The following SEMA6D variants were observed in gnomAD, a reference collection of about 807,000 sequenced individuals.
SEMA6D encodes semaphorin 6D.
SEMA6D carries 35 observed loss-of-function variants against 106.6 expected under a neutral mutation model. The observed-to-expected ratio is 0.33, with a 90% confidence interval of 0.25 to 0.44. SEMA6D has a LOEUF of 0.44. SEMA6D is among the 20% of genes least tolerant of loss of function. SEMA6D has a pLI of 1.00. For missense variants in SEMA6D, 1,185 were observed against 1,345.9 expected, an observed-to-expected ratio of 0.88 and a Z score of 1.87; for synonymous variants, 499 against 487.7, an observed-to-expected ratio of 1.02 and a Z score of -0.31.
intron 1 of SEMA6D, among the ~76,000 whole-genome samples, chr15:47,403,974 A>G (rs1301905728): frequency 6.6e-6 from 1 of 152,222 alleles, no homozygotes; most frequent in Non-Finnish European, 1.5e-5. Flanking sequence ...TTATGGTCCC[A>G]GCTAGAATTA....
At chr15:47,760,477 G>A (rs1567091833) in intron 3 of SEMA6D, 62 bp downstream of exon 3, 2 of 1,281,960 alleles carry the variant, frequency 1.6e-6, no homozygotes, top group East Asian at 2.3e-5. Context: ...GCTTGCATTA[G>A]TGTGTCTAGT....
chr15:47,762,035 A>G (rs757505240), intron 7 of SEMA6D, among the ~76,000 whole-genome samples, 165 bp from the exon 8 acceptor site: 1 of 152,204 alleles, frequency 6.6e-6, no homozygotes, highest in Non-Finnish European at 1.5e-5. Context: ...AGATAATATC[A>G]TGGCTGACCT....
intron 1 of SEMA6D, among the ~76,000 whole-genome samples, chr15:47,354,414 C>A (rs2038475135): frequency 6.9e-6 from 1 of 144,980 alleles, no homozygotes. Context: ...AATGAGAGAG[C>A]ATATACATAT....
chr15:47,542,173 A>G (rs775416593), intron 3 of SEMA6D, among the ~76,000 whole-genome samples: 15 of 152,140 alleles, frequency 9.9e-5, no homozygotes, highest in Non-Finnish European at 1.9e-4. Flanking sequence ...ATTAGATCCT[A>G]TTTTCCTCTG....
chr15:47,615,745 T>A (rs1306192342), intron 4 of SEMA6D, among the ~76,000 whole-genome samples: 2 of 152,260 alleles, frequency 1.3e-5, no homozygotes, highest in Admixed American at 6.5e-5. Flanking sequence ...AAGGAAATTC[T>A]ATTTTATTTG....
At chr15:47,602,901 A>G (rs1425631676) in intron 4 of SEMA6D, among the ~76,000 whole-genome samples, 1 of 152,158 alleles carries the variant, frequency 6.6e-6, no homozygotes, top group Non-Finnish European at 1.5e-5. Flanking sequence ...TAAGAATTAC[A>G]GAGGTGTAAT....
intron 1 of SEMA6D, among the ~76,000 whole-genome samples, chr15:47,750,263 A>T (rs2081357569): frequency 1.3e-5 from 2 of 152,178 alleles, no homozygotes; most frequent in Non-Finnish European, 2.9e-5. Flanking sequence ...TGGGAATTAC[A>T]CCAGGATGTT....
chr15:47,441,759 A>G (rs16959504), intron 2 of SEMA6D, among the ~76,000 whole-genome samples: 41,849 of 151,868 alleles, frequency 0.28, 5,980 homozygotes, highest in East Asian at 0.4. Flanking sequence ...ATCTGTTAAT[A>G]TGAAGCCATT....
chr15:47,447,475 A>G (rs1369914405), intron 2 of SEMA6D, among the ~76,000 whole-genome samples: 4 of 152,100 alleles, frequency 2.6e-5, no homozygotes, highest in Non-Finnish European at 4.4e-5. Context: ...GAGCTTGCCT[A>G]TAGCTAAAGG....
intron 2 of SEMA6D, among the ~76,000 whole-genome samples, chr15:47,461,734 A>G (rs988069824): frequency 3.3e-5 from 5 of 152,062 alleles, no homozygotes; most frequent in African/African-American, 4.8e-5. Flanking sequence ...ATGTTAATTT[A>G]TTTAAGAGGG....
chr15:47,594,548 A>G (rs760279145), intron 3 of SEMA6D, among the ~76,000 whole-genome samples: 4 of 152,208 alleles, frequency 2.6e-5, no homozygotes, highest in Non-Finnish European at 5.9e-5. Context: ...TTGGGTACCC[A>G]TCACATACTG....
intron 3 of SEMA6D, among the ~76,000 whole-genome samples, chr15:47,580,868 C>T (rs1050791641): frequency 6.6e-6 from 1 of 152,160 alleles, no homozygotes; most frequent in African/African-American, 2.4e-5. Context: ...TTTGTGTTTG[C>T]TTATGCATGA....
intron 1 of SEMA6D, among the ~76,000 whole-genome samples, chr15:47,751,171 A>G (rs1400611180): frequency 1.3e-5 from 2 of 152,236 alleles, no homozygotes; most frequent in African/African-American, 4.8e-5. Flanking sequence ...CCAAGCTGTC[A>G]TACCATTCTG....
intron 1 of SEMA6D, among the ~76,000 whole-genome samples, chr15:47,355,177 T>C (rs2038517597): frequency 2.6e-5 from 4 of 152,146 alleles, no homozygotes; most frequent in African/African-American, 7.2e-5. Context: ...GAGACAGAAG[T>C]TGGGGCAGAA....
At chr15:47,575,161 G>C (rs1405490461) in intron 3 of SEMA6D, among the ~76,000 whole-genome samples, 1 of 152,164 alleles carries the variant, frequency 6.6e-6, no homozygotes, top group Non-Finnish European at 1.5e-5. Context: ...CAAATTAATC[G>C]CATCAATTAT....
intron 2 of SEMA6D, among the ~76,000 whole-genome samples, chr15:47,465,483 C>T (rs991054460): frequency 6.6e-6 from 1 of 152,130 alleles, no homozygotes; most frequent in Non-Finnish European, 1.5e-5. Context: ...ATGTTCTAAA[C>T]GCAGTTGATA....
chr15:47,210,231 C>G (rs1895390328), intron 1 of SEMA6D, among the ~76,000 whole-genome samples: 1 of 152,104 alleles, frequency 6.6e-6, no homozygotes, highest in East Asian at 1.9e-4. Context: ...AATAATAATT[C>G]ATCCAAGCCA....
chr15:47,663,417 G>T (rs2077966062), intron 4 of SEMA6D, among the ~76,000 whole-genome samples: 1 of 152,154 alleles, frequency 6.6e-6, no homozygotes, highest in African/African-American at 2.4e-5. Context: ...TCCTGATCCT[G>T]AATTAATCTT....
intron 1 of SEMA6D, among the ~76,000 whole-genome samples, chr15:47,745,102 G>A (rs2081052695): frequency 6.6e-6 from 1 of 152,174 alleles, no homozygotes; most frequent in Non-Finnish European, 1.5e-5. Flanking sequence ...GATTCATAAG[G>A]AAAGTGAGAA....
Sources: allele counts gnomAD v4.1 joint callset (sites outside exome capture counted in the v4.1 genomes callset), GRCh38; gene constraint gnomAD v4.1.1; transcripts MANE v1.5; gene names NCBI Gene and HGNC (gene_info 2026-07-23, HGNC 2026-07-21).